Variants in RSU1 observed in about 807,000 individuals in gnomAD.
RSU1 encodes rsu-1.
RSU1 carries 26 observed loss-of-function variants against 31.1 expected under a neutral mutation model. That is an observed-to-expected ratio of 0.84 (90% CI 0.61 to 1.16). The LOEUF is 1.16. RSU1 is among the 50% of genes most tolerant of loss of function. RSU1 has a pLI of 0.00. For missense variants in RSU1, 320 were observed against 339.1 expected (o/e 0.94, Z 0.44); for synonymous variants, 164 against 136.3 (o/e 1.20, Z -1.41).
intron 8 of RSU1, among the ~76,000 whole-genome samples, chr10:16,607,750 TTTAATA>T (rs1422876769): frequency 2.0e-5 from 3 of 152,178 alleles, no homozygotes; most frequent in African/African-American, 7.2e-5. Flanking sequence ...AGCAAATCAC[TTTAATA>T]TTAACATATT....
chr10:16,754,616 C>T (rs1198933309), intron 5 of RSU1, among the ~76,000 whole-genome samples: 1 of 144,952 alleles, frequency 6.9e-6, no homozygotes, highest in Non-Finnish European at 1.5e-5. Context: ...GAGGCTTGAT[C>T]TCATTTAGGT....
intron 8 of RSU1, among the ~76,000 whole-genome samples, chr10:16,633,943 T>TC (rs1834301556): frequency 6.6e-6 from 1 of 152,124 alleles, no homozygotes; most frequent in Non-Finnish European, 1.5e-5. Flanking sequence ...CAACTGGTTT[T>TC]CCCCTCCCAA....
At chr10:16,755,490 G>A (rs1479942815) in intron 4 of RSU1, among the ~76,000 whole-genome samples, 1 of 151,666 alleles carries the variant, frequency 6.6e-6, no homozygotes. Context: ...ACATACTTAT[G>A]GTGTACAACA....
intron 7 of RSU1, chr10:16,748,198 G>A (rs565210124): frequency 8.1e-4 from 124 of 152,286 alleles, no homozygotes; most frequent in African/African-American, 2.9e-3. Flanking sequence ...TCCAAAAACT[G>A]GATTTTATGG....
At chr10:16,728,324 G>C (rs1472522661) in intron 7 of RSU1, among the ~76,000 whole-genome samples, 1 of 152,048 alleles carries the variant, frequency 6.6e-6, no homozygotes. Flanking sequence ...GAATGAGGGA[G>C]GAGAGCAAAA....
intron 2 of RSU1, among the ~76,000 whole-genome samples, chr10:16,808,020 C>G (rs1434230344): frequency 2.4e-5 from 2 of 82,172 alleles, no homozygotes; most frequent in Admixed American, 1.3e-4. Context: ...AAGACTCTGT[C>G]TCAAAAAAAA....
chr10:16,654,750 AC>A (rs1198488364), intron 8 of RSU1, among the ~76,000 whole-genome samples: 1 of 151,890 alleles, frequency 6.6e-6, no homozygotes, highest in African/African-American at 2.4e-5. Context: ...GCCCAAGTGC[AC>A]CTTTTCCTTT....
At chr10:16,611,453 C>T (rs2131468271) in intron 8 of RSU1, among the ~76,000 whole-genome samples, 1 of 152,320 alleles carries the variant, frequency 6.6e-6, no homozygotes, top group Non-Finnish European at 1.5e-5. Context: ...AAATACACAA[C>T]TGAAAACTAA....
intron 7 of RSU1, among the ~76,000 whole-genome samples, chr10:16,737,786 A>G (rs1836661061): frequency 6.6e-6 from 1 of 152,088 alleles, no homozygotes. Context: ...ACTGGGAGTT[A>G]TAACATATCA....
At chr10:16,731,598 C>A (rs1239462169) in intron 7 of RSU1, among the ~76,000 whole-genome samples, 1 of 152,166 alleles carries the variant, frequency 6.6e-6, no homozygotes, top group African/African-American at 2.4e-5. Context: ...AATTAACACG[C>A]TAATTTACAA....
chr10:16,634,552 T>C (rs11254118), intron 8 of RSU1, among the ~76,000 whole-genome samples: 45,020 of 152,198 alleles, frequency 0.3, 9,736 homozygotes, highest in African/African-American at 0.62. Flanking sequence ...GTATATACTT[T>C]GTAGCAGCCT....
At chr10:16,764,598 C>G (rs1837276476) in intron 3 of RSU1, 88 bp from the exon 4 acceptor site, 2 of 1,361,424 alleles carry the variant, frequency 1.5e-6, no homozygotes, top group Admixed American at 2.2e-5. Flanking sequence ...TCTTTCAAAG[C>G]AAAGAAAGAC....
chr10:16,778,124 G>T (rs1837573729), intron 3 of RSU1, among the ~76,000 whole-genome samples: 1 of 148,904 alleles, frequency 6.7e-6, no homozygotes, highest in African/African-American at 2.5e-5. Flanking sequence ...GGGTTGAAGT[G>T]ATCCTCACAC....
intron 7 of RSU1, among the ~76,000 whole-genome samples, chr10:16,732,703 T>G (rs949951419): frequency 6.6e-6 from 1 of 152,214 alleles, no homozygotes; most frequent in Non-Finnish European, 1.5e-5. Context: ...CCAGGCTACA[T>G]TTCTACTGCA....
intron 8 of RSU1, among the ~76,000 whole-genome samples, chr10:16,611,833 G>C (rs902230856): frequency 1.3e-5 from 2 of 152,210 alleles, no homozygotes; most frequent in South Asian, 2.1e-4. Context: ...GAGTGAGAGA[G>C]AATGAATATG....
chr10:16,735,354 T>C (rs1836603646), intron 7 of RSU1, among the ~76,000 whole-genome samples: 1 of 152,150 alleles, frequency 6.6e-6, no homozygotes. Context: ...GAATGCAGGG[T>C]TGAGGGAATG....
intron 8 of RSU1, among the ~76,000 whole-genome samples, chr10:16,670,272 A>G (rs960581491): frequency 2.0e-5 from 3 of 152,348 alleles, no homozygotes; most frequent in African/African-American, 7.2e-5. Context: ...AGATTTCGAC[A>G]GTGTTCACTG....
rs1268732725 is a variant in RSU1 at position 16,602,979 on chromosome 10, G to GA, written c.732-9484dup. Reference sequence around the variant, plus strand: ...AGCATGTAAATTGCTGAGTCCTAAAGAAAAAAAATTAACAGTTACCCTAAT... The same window carrying GA: ...AGCATGTAAATTGCTGAGTCCTAAAGAAAAAAAAATTAACAGTTACCCTAAT... On this transcript the variant is annotated intron_variant, in intron 8 of 8. Coordinates refer to ENST00000345264, the MANE Select transcript of RSU1 (RefSeq NM_012425.4). Among the ~76,000 whole-genome samples the GA allele has an allele frequency of 3.3e-5, 5 of 151,756 alleles. No homozygotes were observed. The East Asian group carries it at 7.7e-4, about 23-fold the overall frequency.
At chr10:16,631,509 AT>A (rs1834248535) in intron 8 of RSU1, among the ~76,000 whole-genome samples, 1 of 152,158 alleles carries the variant, frequency 6.6e-6, no homozygotes. Context: ...TTGGAGGAGG[AT>A]CCCTGTACTG....
Sources: gnomAD v4.1 joint callset for allele counts (sites outside exome capture counted in the v4.1 genomes callset) on GRCh38, gnomAD v4.1.1 for gene constraint, MANE v1.5 for transcripts, NCBI Gene and HGNC (gene_info 2026-07-23, HGNC 2026-07-21) for gene names.